ARB2A: variants seen among roughly 807,000 people sequenced by gnomAD.
ARB2A encodes ARB2 cotranscriptional regulator A, also known as cotranscriptional regulator ARB2A.
the ARB2A span, among the ~76,000 whole-genome samples, chr5:93,681,892 A>G: frequency 1.3e-4 from 20 of 152,230 alleles, no homozygotes; most frequent in Non-Finnish European, 1.2e-4. Context: ...GTTTACAAAA[A>G]TATTAACTAA....
At chr5:93,983,408 G>C in the ARB2A span, among the ~76,000 whole-genome samples, 3 of 152,070 alleles carry the variant, frequency 2.0e-5, no homozygotes, top group East Asian at 5.8e-4. Flanking sequence ...GCCTGATGAG[G>C]ATCCTTCTGG....
At chr5:93,984,987 C>T in the ARB2A span, among the ~76,000 whole-genome samples, 2 of 152,212 alleles carry the variant, frequency 1.3e-5, no homozygotes, top group Admixed American at 6.5e-5. Flanking sequence ...CCATTGTATT[C>T]ACCCTCATTC....
chr5:93,667,034 TG>T, the ARB2A span, among the ~76,000 whole-genome samples: 1 of 152,210 alleles, frequency 6.6e-6, no homozygotes, highest in Non-Finnish European at 1.5e-5. Flanking sequence ...ATCTATACTT[TG>T]AGAAAATGCC....
At chr5:93,851,931 T>G in the ARB2A span, among the ~76,000 whole-genome samples, 2 of 152,228 alleles carry the variant, frequency 1.3e-5, no homozygotes, top group South Asian at 4.1e-4. Context: ...CATGTGTCTT[T>G]ATAGCAGCAT....
the ARB2A span, among the ~76,000 whole-genome samples, chr5:94,080,997 C>T: frequency 5.9e-5 from 9 of 152,120 alleles, no homozygotes; most frequent in East Asian, 3.9e-4. Context: ...ACTCTTGCAA[C>T]TCAATAATAA....
the ARB2A span, among the ~76,000 whole-genome samples, chr5:93,745,458 G>A: frequency 5.9e-5 from 9 of 152,144 alleles, no homozygotes; most frequent in Admixed American, 3.9e-4. Flanking sequence ...ACAGTGCTCT[G>A]AGTATAGTAA....
chr5:93,828,577 C>T, the ARB2A span, among the ~76,000 whole-genome samples: 1 of 152,270 alleles, frequency 6.6e-6, no homozygotes, highest in East Asian at 1.9e-4. Context: ...TGGATGACCA[C>T]AACAATCTCT....
the ARB2A span, among the ~76,000 whole-genome samples, chr5:94,016,066 A>G: frequency 6.6e-6 from 1 of 152,336 alleles, no homozygotes; most frequent in South Asian, 2.1e-4. Flanking sequence ...ATAAAGACAC[A>G]CAGACTGAAA....
chr5:93,710,253 A>T, the ARB2A span, among the ~76,000 whole-genome samples: 2 of 152,184 alleles, frequency 1.3e-5, no homozygotes, highest in East Asian at 1.9e-4. Context: ...TAGTTTAAAA[A>T]TTTTTAGTTA....
the ARB2A span, chr5:93,862,285 T>C: frequency 6.6e-6 from 1 of 152,134 alleles, no homozygotes; most frequent in African/African-American, 2.4e-5. Context: ...CACATCACAA[T>C]AGCAGCAAAA....
At chr5:93,990,114 C>T in the ARB2A span, among the ~76,000 whole-genome samples, 2 of 151,816 alleles carry the variant, frequency 1.3e-5, no homozygotes, top group Non-Finnish European at 2.9e-5. Context: ...AGACATTGTA[C>T]ATGTAAACAA....
At chr5:93,639,978 G>A in the ARB2A span, among the ~76,000 whole-genome samples, 1 of 149,756 alleles carries the variant, frequency 6.7e-6, no homozygotes, top group Non-Finnish European at 1.5e-5. Flanking sequence ...CCGGGAGGCG[G>A]AGGCAGAGAC....
the ARB2A span, among the ~76,000 whole-genome samples, chr5:93,821,890 G>T: frequency 3.4e-5 from 5 of 147,122 alleles, no homozygotes; most frequent in African/African-American, 1.0e-4. Flanking sequence ...CCAAATCAAA[G>T]TTATTTCACA....
the ARB2A span, among the ~76,000 whole-genome samples, chr5:94,067,979 T>C: frequency 6.6e-6 from 1 of 152,164 alleles, no homozygotes; most frequent in African/African-American, 2.4e-5. Flanking sequence ...AATAAAAGAC[T>C]TGTAAGGCCA....
chr5:93,751,988 T>C, the ARB2A span, among the ~76,000 whole-genome samples: 3 of 151,906 alleles, frequency 2.0e-5, no homozygotes, highest in Non-Finnish European at 4.4e-5. Flanking sequence ...ACAGAAACAT[T>C]TGGGCTGGGG....
chr5:94,016,084 G>A, the ARB2A span, among the ~76,000 whole-genome samples: 2 of 152,246 alleles, frequency 1.3e-5, no homozygotes, highest in Non-Finnish European at 2.9e-5. Flanking sequence ...AAAGTGAAGG[G>A]TGGAAAAAGA....
the ARB2A span, among the ~76,000 whole-genome samples, chr5:93,856,570 G>A: frequency 7.9e-5 from 12 of 152,090 alleles, no homozygotes; most frequent in South Asian, 4.2e-4. Context: ...CCAGTTGATC[G>A]CATCAGCTCC....
the ARB2A span, among the ~76,000 whole-genome samples, chr5:93,887,043 TTGTC>T: frequency 6.6e-6 from 1 of 151,622 alleles, no homozygotes; most frequent in Non-Finnish European, 1.5e-5. Flanking sequence ...GGACCACCTG[TTGTC>T]TATTATTTTT....
the ARB2A span, among the ~76,000 whole-genome samples, chr5:93,657,662 T>C: frequency 6.6e-6 from 1 of 152,172 alleles, no homozygotes. Context: ...ATAGGTGTCA[T>C]CCTTGAGGAG....
Sources: gnomAD v4.1 joint callset for allele counts (sites outside exome capture counted in the v4.1 genomes callset) on GRCh38, gnomAD v4.1.1 for gene constraint, MANE v1.5 for transcripts, NCBI Gene and HGNC (gene_info 2026-07-23, HGNC 2026-07-21) for gene names.